GOLGA7B: variants seen among roughly 807,000 people sequenced by gnomAD.
GOLGA7B encodes the protein golgin A7 family member B.
In GOLGA7B, 17 loss-of-function variants were observed where a neutral mutation model predicts 21.5. That is an observed-to-expected ratio of 0.79 (90% confidence interval 0.54 to 1.19). The LOEUF is 1.19. Among genes scored for constraint, GOLGA7B ranks in the 50% most tolerant of loss-of-function variants. The pLI, the probability that GOLGA7B is intolerant of heterozygous loss-of-function variation, is 0.00. For missense variants in GOLGA7B, 169 were observed against 224.4 expected (o/e 0.75, Z 1.58); for synonymous variants, 87 against 84.0 (o/e 1.04, Z -0.19).
Position 97,866,876 on chromosome 10 carries a change from G to A in GOLGA7B, c.*1176G>A, listed in dbSNP as rs893151472. ...CCCCTTGGCTGCCAGGCCAACGACT[G>A]CTTCTCTGCATCCTGCTGTCTTCGC... On this transcript the variant is annotated 3_prime_UTR_variant, in exon 5 of 5. Transcript: ENST00000370602. 1.3e-5 allele frequency: 2 copies of A among 152,420 alleles called. No individual in the cohort carries two copies. The highest frequency in any genetic ancestry group is 4.8e-5 in the African/African-American group (2 of 41,444). 9.4% of individuals were successfully genotyped at this position (152,420 alleles called of 1,614,324 possible). A position where few individuals can be genotyped will look rare whatever the true frequency, so the allele number is the denominator to read the frequency against.
At chr10:97,851,181 G>A (rs1301652834) in intron 1 of GOLGA7B, among the ~76,000 whole-genome samples, 1 of 152,200 alleles carries the variant, frequency 6.6e-6, no homozygotes, top group Non-Finnish European at 1.5e-5. Context: ...CAGCAGCAGA[G>A]CGGAAAGTTT....
chr10:97,850,905 T>G (rs1402681355), intron 1 of GOLGA7B, among the ~76,000 whole-genome samples: 1 of 149,426 alleles, frequency 6.7e-6, no homozygotes, highest in African/African-American at 2.5e-5. Context: ...TTCCCCTCCA[T>G]CTGATGGGAG....
rs951286557 is a variant in GOLGA7B, at chr10:97,866,596, CTGTA to C, written c.*900_*903del. 1.3e-5 allele frequency: 2 copies of C among 152,140 alleles called. No individual in the cohort carries two copies. Among genetic ancestry groups the C allele is most frequent in the Non-Finnish European group, 2.9e-5 (2 of 68,056 alleles). The allele number at this position is 152,140 out of a possible 1,614,324, so 9.4% of individuals were successfully genotyped here. ...TGTGAGTCTGCGTGTGTTAGCATGC[CTGTA>C]TGTGAGCGCGTGTGTGAGCGCATGT... On this transcript the variant is annotated 3_prime_UTR_variant, in exon 5 of 5. Transcript: ENST00000370602.
intron 2 of GOLGA7B, 26 bp from the exon 3 acceptor site, chr10:97,863,904 C>T (rs762453959): frequency 3.8e-6 from 6 of 1,595,402 alleles, no homozygotes; most frequent in Non-Finnish European, 5.1e-6. Flanking sequence ...AGGCTAACCG[C>T]AGCCTGGCTC....
Position 97,853,422 on chromosome 10 carries a change from C to T in GOLGA7B, c.12+3107C>T, listed in dbSNP as rs545698196. On this transcript the variant is annotated intron_variant, in intron 1 of 4. Coordinates refer to ENST00000370602, the MANE Select transcript of GOLGA7B (RefSeq NM_001010917.3). ...CTCATTTGCACTCTAGAGCTTGTTCCTCTGCACCCCAGCTAGTTGACTGTC... is the reference window on the plus strand; with the variant it reads ...CTCATTTGCACTCTAGAGCTTGTTCTTCTGCACCCCAGCTAGTTGACTGTC... Among the ~76,000 whole-genome samples, 3 of 152,334 alleles carry T rather than the reference C, an allele frequency of 2.0e-5. No homozygotes were observed. The South Asian group carries it at 6.2e-4, about 32-fold the overall frequency.
chr10:97,853,791 G>A (rs933488461), intron 1 of GOLGA7B, among the ~76,000 whole-genome samples: 7 of 152,278 alleles, frequency 4.6e-5, no homozygotes, highest in Non-Finnish European at 8.8e-5. Context: ...AGAGCATCAC[G>A]GATCTCTGCT....
chr10:97,855,082 C>G (rs2049926970), intron 1 of GOLGA7B, among the ~76,000 whole-genome samples: 1 of 152,176 alleles, frequency 6.6e-6, no homozygotes, highest in South Asian at 2.1e-4. Context: ...ATTAATATAG[C>G]TGTATGCCTA....
At chr10:97,861,325 T>C (rs1406165712) in intron 2 of GOLGA7B, among the ~76,000 whole-genome samples, 1 of 152,266 alleles carries the variant, frequency 6.6e-6, no homozygotes, top group African/African-American at 2.4e-5. Context: ...ATTGCATCTT[T>C]TGTGGGTACA....
chr10:97,867,574 C>T lies in GOLGA7B; in HGVS notation c.*1874C>T, dbSNP rs2050042860. 6.6e-6 allele frequency: 1 copy of T among 152,414 alleles called. No individual in the cohort carries two copies. The highest frequency in any genetic ancestry group is 6.5e-5 in the Admixed American group (1 of 15,290). The allele number at this position is 152,414 out of a possible 1,614,324, so 9.4% of individuals were successfully genotyped here. A position where few individuals can be genotyped will look rare whatever the true frequency, so the allele number is the denominator to read the frequency against. On this transcript the variant is annotated 3_prime_UTR_variant, in exon 5 of 5. Transcript: ENST00000370602. The stretch of plus-strand genomic sequence containing the variant: ...GTCCAAGGATCCCCCTGGAGAGCCG[C>T]AGTTCAGTGGGCTCCACCGCAGCCC...
At chr10:97,850,628 G>T (rs1407558903) in intron 1 of GOLGA7B, among the ~76,000 whole-genome samples, 1 of 152,158 alleles carries the variant, frequency 6.6e-6, no homozygotes, top group African/African-American at 2.4e-5. Flanking sequence ...CGCTTTCCTA[G>T]AGGGTTGGAG....
At position 97,869,715 on chromosome 10, in the gene GOLGA7B, C is replaced by G. The variant is rs2050070529; in HGVS notation, c.*4015C>G. On this transcript the variant is annotated 3_prime_UTR_variant, in exon 5 of 5. Transcript: ENST00000370602. ...TGTTGTGACACGTCCCCCACGGCTC[C>G]CCGGTTGGCAGCCACTGCCACCCGC... is the stretch of plus-strand genomic sequence containing the variant. 1 of 152,344 alleles carries G rather than the reference C, an allele frequency of 6.6e-6. No individual in the cohort carries two copies. Among genetic ancestry groups the G allele is most frequent in the East Asian group, 1.9e-4 (1 of 5,204 alleles). 9.4% of individuals were successfully genotyped at this position (152,344 alleles called of 1,614,324 possible).
chr10:97,864,121 G>T, intron 3 of GOLGA7B, 39 bp downstream of exon 3: 1 of 1,614,040 alleles, frequency 6.2e-7, no homozygotes, highest in Non-Finnish European at 8.5e-7. Context: ...CTTCCCTCAG[G>T]GCTGCCCTGT....
chr10:97,856,228 C>T (rs540426764), intron 1 of GOLGA7B, among the ~76,000 whole-genome samples: 13 of 152,308 alleles, frequency 8.5e-5, no homozygotes, highest in African/African-American at 3.1e-4. Context: ...CCCTCACCCC[C>T]TCCCCTCTTT....
rs1172055411 is a variant in GOLGA7B, at chr10:97,849,939, C to T, written c.-365C>T. 6.6e-6 allele frequency: 1 copy of T among 152,204 alleles called. No homozygotes were observed. Among genetic ancestry groups the T allele is most frequent in the African/African-American group, 2.4e-5 (1 of 41,400 alleles). 9.4% of individuals were successfully genotyped at this position (152,204 alleles called of 1,614,324 possible). ...TCCCCCTCCCGGCCAGCGGCGGCTC[C>T]TGGCCCCTCCTCCCCCGGCCGCCCC... On this transcript the variant is annotated 5_prime_UTR_variant, in exon 1 of 5. Coordinates refer to ENST00000370602, the MANE Select transcript of GOLGA7B (RefSeq NM_001010917.3).
rs533554552 is a variant in GOLGA7B at position 97,868,882 on chromosome 10, A to G, written c.*3182A>G. On this transcript the variant is annotated 3_prime_UTR_variant, in exon 5 of 5. Transcript: ENST00000370602. ...TAATAATAGTAGCTGACGTTTATTT[A>G]GCACTTCCTATGTGCCAGGCACTAG... is the stretch of plus-strand genomic sequence containing the variant. 1 of 152,136 alleles carries G rather than the reference A, an allele frequency of 6.6e-6. No homozygotes were observed. Among genetic ancestry groups the G allele is most frequent in the Non-Finnish European group, 1.5e-5 (1 of 68,026 alleles). 9.4% of individuals were successfully genotyped at this position (152,136 alleles called of 1,614,324 possible).
rs1297102061 is a variant in GOLGA7B, at chr10:97,868,428, C to T, written c.*2728C>T. ...CACCCAGATGGGAAGCTGCCTGAGGCTGCAGGGAGGCTGGGATCACAAACT... is the reference window on the plus strand; with the variant it reads ...CACCCAGATGGGAAGCTGCCTGAGGTTGCAGGGAGGCTGGGATCACAAACT... On this transcript the variant is annotated 3_prime_UTR_variant, in exon 5 of 5. Coordinates refer to ENST00000370602, the MANE Select transcript of GOLGA7B (RefSeq NM_001010917.3). 1 of 152,278 alleles carries T rather than the reference C, an allele frequency of 6.6e-6. No homozygotes were observed. Among genetic ancestry groups the T allele is most frequent in the Non-Finnish European group, 1.5e-5 (1 of 68,076 alleles). 9.4% of individuals were successfully genotyped at this position (152,278 alleles called of 1,614,324 possible).
intron 1 of GOLGA7B, among the ~76,000 whole-genome samples, chr10:97,856,971 T>A (rs2049938860): frequency 6.6e-6 from 1 of 152,230 alleles, no homozygotes; most frequent in African/African-American, 2.4e-5. Flanking sequence ...AGATTCTGGA[T>A]ATTAGTCTTC....
At chr10:97,850,748 A>G (rs1372201354) in intron 1 of GOLGA7B, among the ~76,000 whole-genome samples, 9 of 152,170 alleles carry the variant, frequency 5.9e-5, no homozygotes, top group African/African-American at 2.2e-4. Context: ...TTACCTCTAC[A>G]TCCGCATTTC....
chr10:97,859,340 T>C lies in GOLGA7B; in HGVS notation c.13-118T>C, dbSNP rs2049955978. 3 of 1,006,780 alleles carry C rather than the reference T, an allele frequency of 3.0e-6. No individual in the cohort carries two copies. The Admixed American group carries it at 6.6e-5, about 22-fold the overall frequency. 62.4% of individuals were successfully genotyped at this position (1,006,780 alleles called of 1,614,324 possible). ...GTAGAGTGCCCAGCTTGTCTCTGCA[T>C]GCTGGGAACTTTCCTGGTGTTAGTG... On this transcript the variant is annotated intron_variant, in intron 1 of 4. Coordinates refer to ENST00000370602, the MANE Select transcript of GOLGA7B (RefSeq NM_001010917.3).
Sources: gnomAD v4.1 joint callset for allele counts (sites outside exome capture counted in the v4.1 genomes callset) on GRCh38, gnomAD v4.1.1 for gene constraint, MANE v1.5 for transcripts, NCBI Gene and HGNC (gene_info 2026-07-23, HGNC 2026-07-21) for gene names.